CCSER2: variants seen among roughly 807,000 people sequenced by gnomAD.
The protein encoded by CCSER2 is coiled-coil serine rich protein 2, also known as serine-rich coiled-coil domain-containing protein 2.
A neutral mutation model predicts 92.3 loss-of-function variants in CCSER2; 46 were observed. That is an observed-to-expected ratio of 0.50 (90% CI 0.39 to 0.64). The LOEUF (loss-of-function observed/expected upper bound fraction) is 0.64, where lower values mean the gene tolerates loss of function less well. CCSER2 is among the 30% of genes least tolerant of loss of function. CCSER2 has a pLI of 0.00. For synonymous variants in CCSER2, 433 were observed against 431.4 expected, an observed-to-expected ratio of 1.00 and a Z score of -0.04; for missense variants, 1,244 against 1,238.9, an observed-to-expected ratio of 1.00 and a Z score of -0.06.
At chr10:84,337,416 G>A (rs1843898967) in intron 1 of CCSER2, among the ~76,000 whole-genome samples, 1 of 152,180 alleles carries the variant, frequency 6.6e-6, no homozygotes, top group Admixed American at 6.5e-5. Flanking sequence ...ATTAGATTGA[G>A]GACTAAGATA....
At position 84,371,792 on chromosome 10, in the gene CCSER2, C is replaced by T; in HGVS notation, c.740C>T (p.Ala247Val). The change falls in exon 2 of 10, where the codon GCT becomes GTT. Residue 247 changes from alanine (A) to valine (V), a missense_variant. Transcript: ENST00000372088. ...SITRSHSFNR[A>V]VDLTKPYQNQ... is the part of the protein sequence containing the mutation. ...ACCAGATCACATTCCTTTAATAGAGCTGTGGATCTTACAAAGCCTTATCAG... is the reference window on the plus strand; with the variant it reads ...ACCAGATCACATTCCTTTAATAGAGTTGTGGATCTTACAAAGCCTTATCAG... 1 of 1,613,634 alleles carries T rather than the reference C, an allele frequency of 6.2e-7. No homozygotes were observed. Among genetic ancestry groups the T allele is most frequent in the Non-Finnish European group, 8.5e-7 (1 of 1,179,676 alleles).
At chr10:84,485,147 A>G (rs1040994760) in intron 9 of CCSER2, among the ~76,000 whole-genome samples, 6 of 151,980 alleles carry the variant, frequency 3.9e-5, no homozygotes, top group African/African-American at 9.7e-5. Context: ...TTTTCAACCA[A>G]TTTTCCACAT....
intron 1 of CCSER2, among the ~76,000 whole-genome samples, chr10:84,329,447 A>C (rs1843440625): frequency 6.6e-6 from 1 of 152,210 alleles, no homozygotes; most frequent in African/African-American, 2.4e-5. Flanking sequence ...CTCCCCGACC[A>C]ATGAGGCTGG....
At chr10:84,413,192 T>C (rs1294268812) in intron 3 of CCSER2, among the ~76,000 whole-genome samples, 1 of 151,964 alleles carries the variant, frequency 6.6e-6, no homozygotes, top group East Asian at 1.9e-4. Flanking sequence ...TTCTGCTCAC[T>C]TTGGGGTTGG....
chr10:84,360,463 C>T (rs1250179189), intron 1 of CCSER2, among the ~76,000 whole-genome samples: 4 of 152,122 alleles, frequency 2.6e-5, no homozygotes. Flanking sequence ...CTTATTTTTA[C>T]TATTTATAGG....
chr10:84,502,410 T>C (rs1848809213), intron 9 of CCSER2, among the ~76,000 whole-genome samples: 1 of 150,568 alleles, frequency 6.6e-6, no homozygotes, highest in Non-Finnish European at 1.5e-5. Context: ...CTTGCTCTGT[T>C]GCCCAGGCTG....
At chr10:84,376,253 G>C (rs1392358465) in intron 3 of CCSER2, among the ~76,000 whole-genome samples, 1 of 151,990 alleles carries the variant, frequency 6.6e-6, no homozygotes, top group East Asian at 1.9e-4. Context: ...TCTGATTTAC[G>C]TACAGTAAAA....
At chr10:84,496,487 A>G (rs1174907761) in intron 9 of CCSER2, among the ~76,000 whole-genome samples, 5 of 151,800 alleles carry the variant, frequency 3.3e-5, no homozygotes, top group Admixed American at 1.3e-4. Flanking sequence ...GGGTTTCACC[A>G]TGTTAGCCAG....
At chr10:84,485,811 G>A (rs183391476) in intron 9 of CCSER2, among the ~76,000 whole-genome samples, 77 of 152,206 alleles carry the variant, frequency 5.1e-4, no homozygotes, top group African/African-American at 1.8e-3. Context: ...TGTTACATAT[G>A]TCTACATGTG....
rs898208564 is a variant in CCSER2 at position 84,411,836 on chromosome 10, C to T, written c.1615-5935C>T. Among the ~76,000 whole-genome samples, 6 of 152,134 alleles carry T rather than the reference C, an allele frequency of 3.9e-5. No homozygotes were observed. The East Asian group carries it at 9.6e-4, about 24-fold the overall frequency. On this transcript the variant is annotated intron_variant, in intron 3 of 9. Coordinates refer to ENST00000372088, the MANE Select transcript of CCSER2 (RefSeq NM_001284240.2). ...GACTGATTGCCCTGGCCAGAACTTC[C>T]AGTACTATGTTGAATAGGAGTGGTG...
chr10:84,513,930 T>C lies in CCSER2; in HGVS notation c.2807T>C (p.Val936Ala), dbSNP rs539423031. The C allele has an allele frequency of 2.0e-6, 3 of 1,536,692 alleles. No homozygotes were observed. In the East Asian group the frequency reaches 7.3e-5, roughly 38 times the overall value. ...TTGAGTTCTTTGGTACCGCCTCCAG[T>C]TTCTGAATCATCTCCAAGTAGGACT... ...SILSSLVPPP[V>A]SESSPSRTPT... Residue 936 changes from valine to alanine, a missense_variant, in exon 10 of 10, where the codon GTT becomes GCT. Transcript: ENST00000372088.
chr10:84,329,730 C>T (rs533344533), intron 1 of CCSER2, among the ~76,000 whole-genome samples: 2 of 152,248 alleles, frequency 1.3e-5, no homozygotes, highest in Admixed American at 6.5e-5. Context: ...AAGATGCTCT[C>T]CTGCAAAAGA....
At chr10:84,375,709 A>G (rs1846296771) in intron 3 of CCSER2, among the ~76,000 whole-genome samples, 2 of 151,326 alleles carry the variant, frequency 1.3e-5, no homozygotes, top group South Asian at 4.2e-4. Context: ...TGTATAGCAA[A>G]TAGTTTATTA....
At chr10:84,382,220 AGTTATCTT>A (rs1487308829) in intron 3 of CCSER2, among the ~76,000 whole-genome samples, 1 of 152,164 alleles carries the variant, frequency 6.6e-6, no homozygotes, top group Non-Finnish European at 1.5e-5. Context: ...ACTGATATGA[AGTTATCTT>A]TCTTTACTTC....
At chr10:84,441,750 T>TTTTTTG (rs1287593776) in intron 6 of CCSER2, among the ~76,000 whole-genome samples, 2 of 67,292 alleles carry the variant, frequency 3.0e-5, no homozygotes, top group African/African-American at 9.0e-5. Flanking sequence ...TTTTTTTTTT[T>TTTTTTG]TTTTTTTTTT....
At chr10:84,344,229 A>G (rs1844359576) in intron 1 of CCSER2, among the ~76,000 whole-genome samples, 1 of 152,242 alleles carries the variant, frequency 6.6e-6, no homozygotes, top group African/African-American at 2.4e-5. Flanking sequence ...TGTGCCGTCA[A>G]AGAAAAGTCC....
chr10:84,359,503 A>T (rs1845384985), intron 1 of CCSER2, among the ~76,000 whole-genome samples: 1 of 152,212 alleles, frequency 6.6e-6, no homozygotes, highest in Admixed American at 6.5e-5. Flanking sequence ...ACTATATCTA[A>T]GGTAAGGCCT....
intron 6 of CCSER2, among the ~76,000 whole-genome samples, chr10:84,458,616 G>A (rs890637593): frequency 2.0e-5 from 3 of 152,094 alleles, no homozygotes; most frequent in Non-Finnish European, 2.9e-5. Flanking sequence ...AGTTGAGTTT[G>A]GAAGAGAATT....
chr10:84,411,903 G>A (rs771387461), intron 3 of CCSER2, among the ~76,000 whole-genome samples: 2 of 152,160 alleles, frequency 1.3e-5, no homozygotes, highest in Admixed American at 6.5e-5. Flanking sequence ...CAAGGGGAAC[G>A]CCTCCAGCTT....
Sources: gnomAD v4.1 joint callset for allele counts (sites outside exome capture counted in the v4.1 genomes callset) on GRCh38, gnomAD v4.1.1 for gene constraint, MANE v1.5 for transcripts, NCBI Gene and HGNC (gene_info 2026-07-23, HGNC 2026-07-21) for gene names.